Variants in UGT1A7 observed in about 807,000 individuals in gnomAD.
The protein encoded by UGT1A7 is UDP glucuronosyltransferase family 1 member A7.
A neutral mutation model predicts 45.6 loss-of-function variants in UGT1A7; 33 were observed. That is an observed-to-expected ratio of 0.72 (90% CI 0.55 to 0.97). The LOEUF is 0.97. UGT1A7 is among the 50% of genes least tolerant of loss of function. UGT1A7 has a pLI of 0.00. For missense variants in UGT1A7, 684 were observed against 666.2 expected (o/e 1.03, Z -0.29); for synonymous variants, 274 against 250.6 (o/e 1.09, Z -0.88).
At chr2:233,700,394 T>C (rs1004610351) in intron 1 of UGT1A7, among the ~76,000 whole-genome samples, 4 of 152,194 alleles carry the variant, frequency 2.6e-5, no homozygotes, top group African/African-American at 9.7e-5. Context: ...ATGTGGAACA[T>C]TTTGGCAGCA....
In UGT1A7 at chr2:233,756,140, C is replaced by T. The variant is rs565288729; in HGVS notation, c.856-10894C>T. 16 of 152,332 alleles carry T rather than the reference C, an allele frequency of 1.1e-4. No homozygotes were observed. The East Asian group carries it at 1.3e-3, about 13-fold the overall frequency. 9.4% of individuals were successfully genotyped at this position (152,332 alleles called of 1,614,324 possible). On this transcript the variant is annotated intron_variant, in intron 1 of 4. Coordinates refer to ENST00000373426, the MANE Select transcript of UGT1A7 (RefSeq NM_019077.3). ...TTTGTAAAATTCTCCTGAAAAATTA[C>T]TGGGGATCCCTAGGATTTCCTGGCT...
chr2:233,717,965 T>C (rs535452476), intron 1 of UGT1A7: 52 of 449,572 alleles, frequency 1.2e-4, no homozygotes, highest in African/African-American at 5.6e-4. Flanking sequence ...CTGGAGCCTT[T>C]GGCATTCAGA....
At chr2:233,741,949 G>A (rs188089498) in intron 1 of UGT1A7, 3 of 151,926 alleles carry the variant, frequency 2.0e-5, no homozygotes, top group Admixed American at 2.0e-4. Context: ...CAACAGAAAG[G>A]TACTTTCTTG....
chr2:233,699,694 T>A (rs1034858842), intron 1 of UGT1A7, among the ~76,000 whole-genome samples: 3 of 152,142 alleles, frequency 2.0e-5, no homozygotes, highest in Admixed American at 2.0e-4. Context: ...ATAAAAACAA[T>A]GAATGTGGTT....
At chr2:233,760,129 C>T (rs1575768749) in intron 1 of UGT1A7, 2 of 1,354,926 alleles carry the variant, frequency 1.5e-6, no homozygotes, top group Non-Finnish European at 2.0e-6. Flanking sequence ...GCTCCACCTT[C>T]TTTATCTCTG....
At chr2:233,761,302 C>T (rs1697737544) in intron 1 of UGT1A7, 1 of 1,473,836 alleles carries the variant, frequency 6.8e-7, no homozygotes, top group Non-Finnish European at 9.2e-7. Context: ...AGGTTTGAGT[C>T]TGTCTTTGGC....
At chr2:233,713,137 G>T (rs369417360) in intron 1 of UGT1A7, 1 of 1,614,192 alleles carries the variant, frequency 6.2e-7, no homozygotes, top group African/African-American at 1.3e-5. Flanking sequence ...GAGGCCTTGC[G>T]GGACCTCCAT....
intron 1 of UGT1A7, among the ~76,000 whole-genome samples, chr2:233,716,620 A>T (rs1358679333): frequency 6.6e-6 from 1 of 152,166 alleles, no homozygotes; most frequent in East Asian, 1.9e-4. Flanking sequence ...GGTTTATTCT[A>T]GTGAAGTTTT....
At chr2:233,700,667 C>G (rs1209326436) in intron 1 of UGT1A7, among the ~76,000 whole-genome samples, 1 of 152,052 alleles carries the variant, frequency 6.6e-6, no homozygotes, top group Non-Finnish European at 1.5e-5. Context: ...TACTTTTCAG[C>G]ACAAATTCGT....
At chr2:233,763,395 T>C (rs1347086472) in intron 1 of UGT1A7, among the ~76,000 whole-genome samples, 2 of 152,256 alleles carry the variant, frequency 1.3e-5, no homozygotes, top group African/African-American at 2.4e-5. Context: ...TTAAACAACA[T>C]GGCACTGGTA....
intron 1 of UGT1A7, chr2:233,742,040 A>G (rs1442889181): frequency 6.6e-6 from 1 of 151,948 alleles, no homozygotes; most frequent in Non-Finnish European, 1.5e-5. Context: ...TCCCAAGCAT[A>G]GCAATAGGAT....
intron 1 of UGT1A7, among the ~76,000 whole-genome samples, chr2:233,700,828 C>T (rs1333219012): frequency 2.0e-5 from 3 of 151,942 alleles, no homozygotes; most frequent in Non-Finnish European, 2.9e-5. Flanking sequence ...CCCATTAACT[C>T]GTCATTTAGC....
At chr2:233,729,544 C>T (rs2077877182) in intron 1 of UGT1A7, 24 of 1,614,178 alleles carry the variant, frequency 1.5e-5, no homozygotes, top group Non-Finnish European at 1.9e-5. Context: ...CCTGATCAGG[C>T]ACCTGAATGC....
In UGT1A7 at chr2:233,772,467, T is replaced by G; in HGVS notation, c.1501T>G (p.Phe501Val). The G allele has an allele frequency of 6.8e-6, 11 of 1,614,156 alleles. No individual in the cohort carries two copies. The highest frequency in any genetic ancestry group is 9.3e-6 in the Non-Finnish European group (11 of 1,180,034). Residue 501 changes from phenylalanine (F) to valine (V), a missense_variant, in exon 5 of 5, where the codon TTC becomes GTC. Coordinates refer to ENST00000373426, the MANE Select transcript of UGT1A7 (RefSeq NM_019077.3). Reference sequence around the variant, plus strand: ...CTTGGCCGTCGTGCTGACAGTGGCCTTCATCACCTTTAAATGTTGTGCTTA... The same window carrying G: ...CTTGGCCGTCGTGCTGACAGTGGCCGTCATCACCTTTAAATGTTGTGCTTA... ...FLLAVVLTVA[F>V]ITFKCCAYGY...
At chr2:233,749,352 A>G (rs1249792542) in intron 1 of UGT1A7, among the ~76,000 whole-genome samples, 1 of 151,892 alleles carries the variant, frequency 6.6e-6, no homozygotes, top group Non-Finnish European at 1.5e-5. Context: ...TGGAATTTAA[A>G]TAGTGACTCT....
At chr2:233,742,415 C>A (rs1691970237) in intron 1 of UGT1A7, among the ~76,000 whole-genome samples, 1 of 151,952 alleles carries the variant, frequency 6.6e-6, no homozygotes, top group Non-Finnish European at 1.5e-5. Context: ...TTAGGAACAC[C>A]TTAAGCGGTT....
At chr2:233,760,122 C>A (rs535497865) in intron 1 of UGT1A7, 1 of 1,292,030 alleles carries the variant, frequency 7.7e-7, no homozygotes, top group East Asian at 2.5e-5. Flanking sequence ...TAATAAAGCT[C>A]CACCTTCTTT....
chr2:233,763,751 G>A (rs758447394), intron 1 of UGT1A7, among the ~76,000 whole-genome samples: 3 of 152,212 alleles, frequency 2.0e-5, no homozygotes, highest in Non-Finnish European at 4.4e-5. Flanking sequence ...TCTTTGGTGT[G>A]TCTGAAGGAA....
intron 1 of UGT1A7, among the ~76,000 whole-genome samples, chr2:233,746,102 A>G (rs1005721725): frequency 1.5e-4 from 23 of 151,842 alleles, no homozygotes; most frequent in African/African-American, 5.4e-4. Flanking sequence ...ACATGTCCAG[A>G]GTGCTTACTG....
Sources: allele counts gnomAD v4.1 joint callset (sites outside exome capture counted in the v4.1 genomes callset), GRCh38; gene constraint gnomAD v4.1.1; transcripts MANE v1.5; gene names NCBI Gene and HGNC (gene_info 2026-07-23, HGNC 2026-07-21).